RPS6KA2: variants seen among roughly 807,000 people sequenced by gnomAD.
RPS6KA2 encodes ribosomal protein S6 kinase A2.
Under a neutral mutation model 91.8 loss-of-function variants are expected in RPS6KA2, and 42 were observed. The ratio of observed to expected loss-of-function variants is 0.46; its 90% CI spans 0.36 to 0.59. The LOEUF (loss-of-function observed/expected upper bound fraction) is 0.59. RPS6KA2 is among the 20% of genes least tolerant of loss of function. The probability of loss-of-function intolerance (pLI) is 0.00; values close to 1 mark genes in which losing one functional copy is unlikely to be tolerated. For missense variants in RPS6KA2, 798 were observed against 978.5 expected (o/e 0.82, Z 2.46); for synonymous variants, 414 against 393.6 (o/e 1.05, Z -0.61).
chr6:166,487,553 G>T (rs1781453465), intron 10 of RPS6KA2, among the ~76,000 whole-genome samples: 1 of 152,172 alleles, frequency 6.6e-6, no homozygotes, highest in African/African-American at 2.4e-5. Context: ...TGCTTACACA[G>T]AGGAGAACTG....
intron 2 of RPS6KA2, among the ~76,000 whole-genome samples, chr6:166,663,091 G>A (rs966419407): frequency 6.6e-5 from 10 of 152,100 alleles, no homozygotes; most frequent in Admixed American, 2.6e-4. Flanking sequence ...CTTCTAAAAG[G>A]ATGAACCAAT....
chr6:166,762,186 A>T (rs1029678088), intron 2 of RPS6KA2, among the ~76,000 whole-genome samples: 4 of 152,208 alleles, frequency 2.6e-5, no homozygotes, highest in Non-Finnish European at 5.9e-5. Context: ...CACACATCCC[A>T]GGCACTAGGA....
intron 2 of RPS6KA2, among the ~76,000 whole-genome samples, chr6:166,754,478 T>C (rs1777939678): frequency 1.3e-5 from 2 of 152,154 alleles, no homozygotes; most frequent in Non-Finnish European, 2.9e-5. Context: ...GTAAGGGCAG[T>C]TCCCGTGGGC....
chr6:166,454,930 CATTAT>C, intron 12 of RPS6KA2, among the ~76,000 whole-genome samples: 1 of 150,068 alleles, frequency 6.7e-6, no homozygotes, highest in Non-Finnish European at 1.5e-5. Flanking sequence ...TACTATAATA[CATTAT>C]ATAATATGTA....
rs1210180810 is a variant in RPS6KA2, at chr6:166,434,898, G to A, written c.1333-2408C>T. On this transcript the variant is annotated intron_variant, in intron 14 of 20. Transcript: ENST00000265678. The surrounding 1 kb of genome is among the most constrained non-coding windows in gnomAD (Gnocchi z 4.4). ...GATAGACGCATCCATTTCCTTGTGG[G>A]TGCATAAAATAACCCTGGAAGGAAG... Among the ~76,000 whole-genome samples the A allele has an allele frequency of 6.6e-6, 1 of 152,144 alleles. No homozygotes were observed. Among genetic ancestry groups the A allele is most frequent in the Non-Finnish European group, 1.5e-5 (1 of 68,022 alleles).
rs1450043809 is a variant in RPS6KA2 at position 166,849,433 on chromosome 6, T to C, written c.123+8767A>G. Among the ~76,000 whole-genome samples the C allele has an allele frequency of 6.6e-6, 1 of 152,136 alleles. No homozygotes were observed. The highest frequency in any genetic ancestry group is 1.5e-5 in the Non-Finnish European group (1 of 68,024). The stretch of plus-strand genomic sequence containing the variant: ...TGTCTTCTTTTTCATAGAATCCTGG[T>C]GCCCAGCACAGGGCCAGACACACAG... On this transcript the variant is annotated intron_variant, in intron 2 of 21. Coordinates refer to the RPS6KA2 transcript ENST00000503859. This position sits in a 1 kb window ranked among gnomAD's most constrained non-coding sequence, Gnocchi z 4.9.
intron 2 of RPS6KA2, among the ~76,000 whole-genome samples, chr6:166,698,532 A>C (rs1039366452): frequency 3.3e-5 from 5 of 152,176 alleles, no homozygotes; most frequent in African/African-American, 1.2e-4. Flanking sequence ...TTTTATAGTA[A>C]CCATCTGCCC....
chr6:166,807,882 C>T (rs1205766707), intron 2 of RPS6KA2, among the ~76,000 whole-genome samples: 1 of 152,170 alleles, frequency 6.6e-6, no homozygotes, highest in Non-Finnish European at 1.5e-5. Flanking sequence ...TCCTGCCGCA[C>T]TGATTTCTGC....
chr6:166,470,055 C>G, intron 10 of RPS6KA2, 150 bp from the exon 11 acceptor site: 2 of 685,612 alleles, frequency 2.9e-6, no homozygotes, highest in Non-Finnish European at 5.1e-6. Flanking sequence ...AAGGCACCTG[C>G]GCACCTGCCG....
chr6:166,795,640 A>C (rs1240938281), intron 2 of RPS6KA2, among the ~76,000 whole-genome samples: 3 of 152,220 alleles, frequency 2.0e-5, no homozygotes, highest in Admixed American at 1.3e-4. Flanking sequence ...CACCAAGCTA[A>C]GTAATGAGGA....
intron 2 of RPS6KA2, among the ~76,000 whole-genome samples, chr6:166,754,967 T>C (rs763658608): frequency 6.6e-6 from 1 of 152,192 alleles, no homozygotes; most frequent in Non-Finnish European, 1.5e-5. Context: ...ATGTGTGCAA[T>C]GAAGGGGTTG....
At chr6:166,668,086 G>A (rs927383187) in intron 2 of RPS6KA2, among the ~76,000 whole-genome samples, 7 of 152,274 alleles carry the variant, frequency 4.6e-5, no homozygotes, top group Admixed American at 1.3e-4. Context: ...CCAGGGAAAG[G>A]ACAATGCCAG....
chr6:166,430,904 C>T (rs16898924), intron 15 of RPS6KA2, among the ~76,000 whole-genome samples: 2,669 of 152,100 alleles, frequency 0.018, 48 homozygotes, highest in African/African-American at 0.049. Context: ...ATGACTCTGC[C>T]AGGAGATATT....
intron 2 of RPS6KA2, among the ~76,000 whole-genome samples, chr6:166,670,276 T>A (rs2128560647): frequency 6.6e-6 from 1 of 152,350 alleles, no homozygotes; most frequent in East Asian, 1.9e-4. Context: ...GGTGAGGCTG[T>A]AAGCCCTGCA....
chr6:166,709,178 C>T (rs960984459), intron 2 of RPS6KA2, among the ~76,000 whole-genome samples: 4 of 152,164 alleles, frequency 2.6e-5, no homozygotes, highest in African/African-American at 9.7e-5. Context: ...CTTCCCTCAC[C>T]GGTTGTCATA....
At chr6:166,550,600 T>G (rs577818853) in intron 1 of RPS6KA2, among the ~76,000 whole-genome samples, 1 of 152,288 alleles carries the variant, frequency 6.6e-6, no homozygotes, top group South Asian at 2.1e-4. Context: ...TTCCCAGCAC[T>G]GCGGGCAGTC....
intron 1 of RPS6KA2, among the ~76,000 whole-genome samples, chr6:166,584,368 T>C (rs1225561156): frequency 1.3e-5 from 2 of 152,212 alleles, no homozygotes; most frequent in South Asian, 2.1e-4. Context: ...TTTCTCCACA[T>C]AGAATCACAC....
intron 2 of RPS6KA2, among the ~76,000 whole-genome samples, chr6:166,787,338 G>T (rs1778959560): frequency 6.6e-6 from 1 of 151,872 alleles, no homozygotes; most frequent in Non-Finnish European, 1.5e-5. Flanking sequence ...TAAGTGTTTT[G>T]GGGAAAAGTT....
intron 1 of RPS6KA2, among the ~76,000 whole-genome samples, chr6:166,620,765 T>G (rs935387385): frequency 6.6e-6 from 1 of 152,218 alleles, no homozygotes; most frequent in Non-Finnish European, 1.5e-5. Context: ...GATGAAGCAT[T>G]TAATAAATTG....
Sources: gnomAD v4.1 joint callset for allele counts (sites outside exome capture counted in the v4.1 genomes callset) on GRCh38, gnomAD v4.1.1 for gene constraint, Gnocchi (gnomAD v3.1) non-coding constraint, MANE v1.5 for transcripts, NCBI Gene and HGNC (gene_info 2026-07-23, HGNC 2026-07-21) for gene names.